The following SLC9B2 variants were observed in gnomAD, a reference collection of about 807,000 sequenced individuals.
SLC9B2 encodes sodium/hydrogen exchanger 9B2.
Under a neutral mutation model 52.2 loss-of-function variants are expected in SLC9B2, and 39 were observed. That is an observed-to-expected ratio of 0.75 (90% CI 0.58 to 0.98). SLC9B2 has a LOEUF of 0.98. SLC9B2 is among the 50% of genes least tolerant of loss of function. The probability of loss-of-function intolerance (pLI) is 0.00; values close to 1 mark genes in which losing one functional copy is unlikely to be tolerated. For synonymous variants in SLC9B2, 214 were observed against 227.0 expected (o/e 0.94, Z 0.51); for missense variants, 626 against 637.5 (o/e 0.98, Z 0.19).
chr4:103,058,450 T>C (rs1174374930), intron 3 of SLC9B2, among the ~76,000 whole-genome samples: 2 of 152,156 alleles, frequency 1.3e-5, no homozygotes, highest in African/African-American at 4.8e-5. Flanking sequence ...CAGGCTGGAG[T>C]GCAGTAGCAC....
rs187596160 is a variant in SLC9B2 at position 103,072,715 on chromosome 4, C to A, written c.-43+3469G>T. Among the ~76,000 whole-genome samples, 121 of 152,184 alleles carry A rather than the reference C, an allele frequency of 8.0e-4. 2 individuals carry two copies. The highest frequency in any genetic ancestry group is 2.8e-3 in the African/African-American group (116 of 41,528). On this transcript the variant is annotated intron_variant, in intron 1 of 11. Transcript: ENST00000394785. ...TACTGCTAAAAGATATGGATAAAGA[C>A]TTTTTATTCTTGCTATTTGCTGCCT... is the stretch of plus-strand genomic sequence containing the variant.
At chr4:103,031,891 T>A in intron 9 of SLC9B2, 83 bp from the exon 10 acceptor site, 2 of 1,383,432 alleles carry the variant, frequency 1.4e-6, no homozygotes, top group Non-Finnish European at 1.0e-6. Context: ...AGGTTTGAAT[T>A]ATTTGGCCTG....
At chr4:103,032,165 C>T (rs537253347) in intron 9 of SLC9B2, among the ~76,000 whole-genome samples, 3 of 151,754 alleles carry the variant, frequency 2.0e-5, no homozygotes, top group African/African-American at 4.8e-5. Context: ...AATTTTATGT[C>T]GACTTTCCTT....
chr4:103,074,936 T>C (rs930647505), intron 1 of SLC9B2, among the ~76,000 whole-genome samples: 2 of 152,204 alleles, frequency 1.3e-5, no homozygotes, highest in Non-Finnish European at 2.9e-5. Flanking sequence ...CATTCATTCA[T>C]TCAACAAACA....
intron 7 of SLC9B2, 92 bp from the exon 8 acceptor site, chr4:103,045,088 A>C (rs1744001810): frequency 6.3e-6 from 5 of 799,194 alleles, no homozygotes; most frequent in Non-Finnish European, 8.2e-6. Context: ...TCTAATTACA[A>C]AGAAGAAACA....
chr4:103,044,883 C>G lies in SLC9B2; in HGVS notation c.996+7G>C. 3 of 1,605,814 alleles carry G rather than the reference C, an allele frequency of 1.9e-6. No homozygotes were observed. In the East Asian group the frequency reaches 6.7e-5, roughly 36 times the overall value. ...AGCACAACTTTCCCACATATTATTT[C>G]TTTCACCTGGTCACGGCTTGGAAAG... On this transcript the variant is annotated splice_region_variant and intron_variant, in intron 8 of 11. Coordinates refer to ENST00000394785, the MANE Select transcript of SLC9B2 (RefSeq NM_178833.7).
Position 103,025,567 on chromosome 4 carries a change from AATGTAAT to A in SLC9B2, c.*796_*802del, listed in dbSNP as rs1233389671. 1 of 152,124 alleles carries A rather than the reference AATGTAAT, an allele frequency of 6.6e-6. No homozygotes were observed. Among genetic ancestry groups the A allele is most frequent in the Non-Finnish European group, 1.5e-5 (1 of 68,008 alleles). 9.4% of individuals were successfully genotyped at this position (152,124 alleles called of 1,614,324 possible). On this transcript the variant is annotated 3_prime_UTR_variant, in exon 12 of 12. Coordinates refer to ENST00000394785, the MANE Select transcript of SLC9B2 (RefSeq NM_178833.7). Reference sequence around the variant, plus strand: ...TTTCTTCATTATAGCACATTACCCTAATGTAATATTCATAAGACTGGCATAGATTTGA... The same window carrying A: ...TTTCTTCATTATAGCACATTACCCTAATTCATAAGACTGGCATAGATTTGA...
intron 10 of SLC9B2, 68 bp downstream of exon 10, chr4:103,031,632 G>C: frequency 9.0e-7 from 1 of 1,113,588 alleles, no homozygotes; most frequent in East Asian, 2.4e-5. Flanking sequence ...ATAAAAAGTA[G>C]ACTTTATTGG....
At chr4:103,049,087 G>A (rs911549780) in intron 5 of SLC9B2, 67 bp from the exon 6 acceptor site, 15 of 1,566,642 alleles carry the variant, frequency 9.6e-6, no homozygotes, top group Non-Finnish European at 1.1e-5. Context: ...GACCTTGAAT[G>A]CTTTCTCTTC....
At chr4:103,028,636 T>A in intron 11 of SLC9B2, 111 bp downstream of exon 11, 3 of 1,305,966 alleles carry the variant, frequency 2.3e-6, no homozygotes, top group Non-Finnish European at 3.1e-6. Context: ...TTTTCATAAA[T>A]CCACTTCAAT....
At chr4:103,046,759 G>GTCTCCACACATCTTTTGTGTGAAGTCT (rs1335817124) in intron 7 of SLC9B2, among the ~76,000 whole-genome samples, 1 of 151,374 alleles carries the variant, frequency 6.6e-6, no homozygotes, top group Admixed American at 6.6e-5. Flanking sequence ...TTTGTGTGAA[G>GTCTCCACACATCTTTTGTGTGAAGTCT]CCTGAACGTT....
At chr4:103,057,266 A>ATATG (rs1553917182) in intron 4 of SLC9B2, among the ~76,000 whole-genome samples, 1 of 147,560 alleles carries the variant, frequency 6.8e-6, no homozygotes, top group Non-Finnish European at 1.5e-5. Flanking sequence ...ATATATATAT[A>ATATG]TATATATACA....
downstream of SLC9B2, among the ~76,000 whole-genome samples, chr4:103,021,117 TG>T (rs1741764102): frequency 6.6e-6 from 1 of 151,698 alleles, no homozygotes; most frequent in African/African-American, 2.4e-5. Context: ...CTAAAGATAA[TG>T]GGAGTTGGGA....
intron 4 of SLC9B2, among the ~76,000 whole-genome samples, chr4:103,052,519 T>G (rs1578464262): frequency 6.6e-6 from 1 of 152,330 alleles, no homozygotes; most frequent in South Asian, 2.1e-4. Flanking sequence ...TATTGATAGC[T>G]TAACAGCCAA....
intron 4 of SLC9B2, among the ~76,000 whole-genome samples, chr4:103,055,463 A>G (rs1187420042): frequency 6.6e-6 from 1 of 152,232 alleles, no homozygotes; most frequent in Non-Finnish European, 1.5e-5. Context: ...TCCATGAGAA[A>G]TAATATGAAT....
Position 103,026,138 on chromosome 4 carries a change from T to A in SLC9B2, c.*232A>T, listed in dbSNP as rs1344838503. The A allele has an allele frequency of 4.6e-6, 2 of 433,434 alleles. No homozygotes were observed. Among genetic ancestry groups the A allele is most frequent in the Non-Finnish European group, 8.2e-6 (2 of 242,880 alleles). The allele number at this position is 433,434 out of a possible 1,614,324, so 26.8% of individuals were successfully genotyped here. On this transcript the variant is annotated 3_prime_UTR_variant, in exon 12 of 12. Coordinates refer to ENST00000394785, the MANE Select transcript of SLC9B2 (RefSeq NM_178833.7). ...TAAAGTAGATATGTCCTTATGCAAA[T>A]TAAGATGGATGATGAAGGGGTGTTT...
intron 1 of SLC9B2, among the ~76,000 whole-genome samples, chr4:103,069,840 T>C (rs1420484499): frequency 6.6e-6 from 1 of 152,222 alleles, no homozygotes; most frequent in African/African-American, 2.4e-5. Flanking sequence ...TATTTTTAAA[T>C]AGTCGTGAAT....
At position 103,022,843 on chromosome 4, in the gene SLC9B2, C is replaced by T. The variant is rs1349960005; in HGVS notation, c.*3527G>A. On this transcript the variant is annotated 3_prime_UTR_variant, in exon 12 of 12. Coordinates refer to ENST00000394785, the MANE Select transcript of SLC9B2 (RefSeq NM_178833.7). ...TTTGGATGAGGTCATGAGGGTAGGG[C>T]CCTCATGCTGTGATTAGAGTACCCT... is the stretch of plus-strand genomic sequence containing the variant. 6.6e-6 allele frequency among the ~76,000 whole-genome samples: 1 copy of T among 152,128 alleles called. No individual in the cohort carries two copies. Among genetic ancestry groups the T allele is most frequent in the Non-Finnish European group, 1.5e-5 (1 of 68,032 alleles).
At position 103,048,937 on chromosome 4, in the gene SLC9B2, G is replaced by T. The variant is rs763212234; in HGVS notation, c.669C>A (p.Ala223=). The change falls in exon 6 of 12, where the codon GCC becomes GCA. Residue 223 remains alanine, a synonymous_variant. Coordinates refer to ENST00000394785, the MANE Select transcript of SLC9B2 (RefSeq NM_178833.7). Reference sequence around the variant, plus strand: ...GCCATGGTAAACCCAGCAGGTAATGGGCAAGAAGAGCAGATGTGCACGCCT... The same window carrying T: ...GCCATGGTAAACCCAGCAGGTAATGTGCAAGAAGAGCAGATGTGCACGCCT... ...IVEACTSALL[A]HYLLGLPWQW... is the part of the protein sequence containing the mutation. 6.2e-7 allele frequency: 1 copy of T among 1,613,762 alleles called. No homozygotes were observed. The highest frequency in any genetic ancestry group is 1.3e-5 in the African/African-American group (1 of 74,870).
Sources: allele counts gnomAD v4.1 joint callset (sites outside exome capture counted in the v4.1 genomes callset), GRCh38; gene constraint gnomAD v4.1.1; transcripts MANE v1.5; gene names NCBI Gene and HGNC (gene_info 2026-07-23, HGNC 2026-07-21).